Variants in ARL15 observed in about 807,000 individuals in gnomAD.
The protein encoded by ARL15 is ADP-ribosylation factor-like protein 15.
A neutral mutation model predicts 25.2 loss-of-function variants in ARL15; 19 were observed. The ratio of observed to expected loss-of-function variants is 0.75; its 90% confidence interval spans 0.53 to 1.10. The LOEUF is 1.10. Among genes scored for constraint, ARL15 ranks in the 50% least tolerant of loss-of-function variants. The probability of loss-of-function intolerance (pLI) is 0.00; values close to 1 mark genes in which losing one functional copy is unlikely to be tolerated. For missense variants in ARL15, 220 were observed against 246.0 expected, an observed-to-expected ratio of 0.89 and a Z score of 0.71; for synonymous variants, 94 against 86.8, an observed-to-expected ratio of 1.08 and a Z score of -0.46.
chr5:54,225,299 G>A (rs532461397), intron 1 of ARL15, among the ~76,000 whole-genome samples: 2 of 152,258 alleles, frequency 1.3e-5, no homozygotes, highest in South Asian at 2.1e-4. Flanking sequence ...GGGGACTAGC[G>A]GAGAGAAGCA....
chr5:53,948,445 C>T (rs1309032859), intron 4 of ARL15, among the ~76,000 whole-genome samples: 3 of 152,064 alleles, frequency 2.0e-5, no homozygotes, highest in Non-Finnish European at 4.4e-5. Flanking sequence ...GTTATAAATT[C>T]GGTATTTGCG....
chr5:54,252,363 A>T (rs1033604300), intron 1 of ARL15, among the ~76,000 whole-genome samples: 2 of 152,208 alleles, frequency 1.3e-5, no homozygotes, highest in Non-Finnish European at 2.9e-5. Context: ...TAGCATCAAG[A>T]AAGTTCTGAA....
chr5:54,266,272 A>G (rs1342851372), intron 1 of ARL15, among the ~76,000 whole-genome samples: 1 of 152,230 alleles, frequency 6.6e-6, no homozygotes, highest in Admixed American at 6.5e-5. Flanking sequence ...AAATGAGAGC[A>G]GACCTCTCCC....
At chr5:54,221,650 T>C (rs1756375859) in intron 1 of ARL15, among the ~76,000 whole-genome samples, 2 of 151,922 alleles carry the variant, frequency 1.3e-5, no homozygotes, top group East Asian at 1.9e-4. Flanking sequence ...GGCTCTGAGA[T>C]AATATATCCA....
intron 4 of ARL15, among the ~76,000 whole-genome samples, chr5:53,977,864 A>G (rs1747993808): frequency 7.2e-6 from 1 of 139,274 alleles, no homozygotes; most frequent in Admixed American, 7.1e-5. Context: ...CCCCGCCCCA[A>G]CAACTTTTCC....
At chr5:53,976,480 TG>T (rs1747928280) in intron 4 of ARL15, among the ~76,000 whole-genome samples, 1 of 152,150 alleles carries the variant, frequency 6.6e-6, no homozygotes, top group Non-Finnish European at 1.5e-5. Context: ...CTAATGGATA[TG>T]GGGAGCCACT....
At chr5:53,965,004 A>G (rs1333505693) in intron 4 of ARL15, among the ~76,000 whole-genome samples, 1 of 152,208 alleles carries the variant, frequency 6.6e-6, no homozygotes, top group Non-Finnish European at 1.5e-5. Context: ...GATGCCTTAG[A>G]GGCCTGCCAA....
intron 4 of ARL15, among the ~76,000 whole-genome samples, chr5:53,890,127 T>A (rs1744664367): frequency 6.6e-6 from 1 of 152,192 alleles, no homozygotes; most frequent in South Asian, 2.1e-4. Flanking sequence ...ATAACATTTT[T>A]ATTTTGTTAT....
intron 3 of ARL15, among the ~76,000 whole-genome samples, chr5:54,129,813 C>A (rs1267542797): frequency 2.0e-5 from 3 of 152,206 alleles, no homozygotes; most frequent in Non-Finnish European, 4.4e-5. Context: ...TACATACTTT[C>A]ATCTGTAAAT....
intron 4 of ARL15, among the ~76,000 whole-genome samples, chr5:53,899,347 CA>C (rs59145507): frequency 5.9e-4 from 53 of 89,320 alleles, no homozygotes; most frequent in East Asian, 3.4e-3. Flanking sequence ...GACTCTATCC[CA>C]AAAAAAAAAA....
At chr5:54,269,685 G>A (rs574352382) in intron 1 of ARL15, among the ~76,000 whole-genome samples, 14 of 152,032 alleles carry the variant, frequency 9.2e-5, no homozygotes, top group Admixed American at 2.0e-4. Context: ...TCGCACTGTC[G>A]CCTGGGCTGG....
At chr5:53,927,716 C>T (rs755161980) in intron 4 of ARL15, among the ~76,000 whole-genome samples, 1 of 152,030 alleles carries the variant, frequency 6.6e-6, no homozygotes. Flanking sequence ...TCAAAAATAA[C>T]ATAAAAAATT....
chr5:53,939,912 A>AAACAAC (rs149253791), intron 4 of ARL15, among the ~76,000 whole-genome samples: 7 of 150,594 alleles, frequency 4.6e-5, no homozygotes, highest in East Asian at 1.9e-4. Context: ...TATCCAGAAA[A>AAACAAC]AACAACAACA....
chr5:54,229,799 T>C (rs1756618580), intron 1 of ARL15, among the ~76,000 whole-genome samples: 1 of 152,232 alleles, frequency 6.6e-6, no homozygotes, highest in Non-Finnish European at 1.5e-5. Context: ...GGGCTCCCTC[T>C]GGGACATGGT....
chr5:54,023,744 C>G (rs1174336460), intron 4 of ARL15, among the ~76,000 whole-genome samples: 2 of 152,166 alleles, frequency 1.3e-5, no homozygotes, highest in Non-Finnish European at 2.9e-5. Flanking sequence ...TGCTGAGAGT[C>G]TGGACTTGCC....
At chr5:53,976,433 G>T (rs553399412) in intron 4 of ARL15, among the ~76,000 whole-genome samples, 31 of 152,316 alleles carry the variant, frequency 2.0e-4, no homozygotes, top group African/African-American at 7.5e-4. Context: ...TGCATAGAGC[G>T]TCTTCTATGC....
chr5:54,201,368 T>G (rs1300272274), intron 1 of ARL15, among the ~76,000 whole-genome samples: 1 of 152,116 alleles, frequency 6.6e-6, no homozygotes, highest in Non-Finnish European at 1.5e-5. Flanking sequence ...TGAATAAGAT[T>G]CTTTCCTTGG....
At chr5:53,925,085 C>T (rs139273643) in intron 4 of ARL15, among the ~76,000 whole-genome samples, 1 of 152,024 alleles carries the variant, frequency 6.6e-6, no homozygotes, top group East Asian at 1.9e-4. Context: ...AAAAATTCTT[C>T]ATTTGTCCTA....
At chr5:53,938,653 C>T (rs1480853697) in intron 4 of ARL15, among the ~76,000 whole-genome samples, 1 of 152,192 alleles carries the variant, frequency 6.6e-6, no homozygotes, top group African/African-American at 2.4e-5. Flanking sequence ...TGGCAAAACC[C>T]TGTCTCTACT....
Sources: gnomAD v4.1 joint callset for allele counts (sites outside exome capture counted in the v4.1 genomes callset) on GRCh38, gnomAD v4.1.1 for gene constraint, MANE v1.5 for transcripts, NCBI Gene and HGNC (gene_info 2026-07-23, HGNC 2026-07-21) for gene names.